Variants in GNB5 observed in about 807,000 individuals in gnomAD.
The protein encoded by GNB5 is guanine nucleotide-binding protein subunit beta-5.
GNB5 carries 37 observed loss-of-function variants against 55.3 expected under a neutral mutation model. That is an observed-to-expected ratio of 0.67 (90% CI 0.51 to 0.88). GNB5 has a LOEUF of 0.88. Ranked by LOEUF, GNB5 falls within the 40% of genes least tolerant of loss-of-function variation. GNB5 has a pLI of 0.00. For missense variants in GNB5, 476 were observed against 515.3 expected (o/e 0.92, Z 0.74); for synonymous variants, 219 against 198.5 (o/e 1.10, Z -0.87).
intron 11 of GNB5, 104 bp downstream of exon 11, chr15:52,125,844 C>T (rs1354079610): frequency 3.1e-6 from 2 of 646,666 alleles, no homozygotes; most frequent in Non-Finnish European, 5.7e-6. Context: ...TACTGGTCCA[C>T]AGGAAGCTCA....
At chr15:52,161,330 C>A (rs2034326606) in intron 3 of GNB5, among the ~76,000 whole-genome samples, 1 of 152,210 alleles carries the variant, frequency 6.6e-6, no homozygotes, top group Non-Finnish European at 1.5e-5. Context: ...CAGAGTCTCG[C>A]TCTGTTGCCC....
chr15:52,151,445 C>T (rs1486041425), intron 4 of GNB5, among the ~76,000 whole-genome samples: 3 of 152,176 alleles, frequency 2.0e-5, no homozygotes, highest in African/African-American at 7.2e-5. Flanking sequence ...GGCCTACGTA[C>T]CCAGAGAGAA....
chr15:52,187,791 A>G (rs2034865851), intron 1 of GNB5, among the ~76,000 whole-genome samples: 1 of 152,084 alleles, frequency 6.6e-6, no homozygotes, highest in African/African-American at 2.4e-5. Context: ...TCTACTAAAA[A>G]TACAAAAATT....
chr15:52,161,700 C>T (rs2034337491), intron 3 of GNB5, among the ~76,000 whole-genome samples: 1 of 152,212 alleles, frequency 6.6e-6, no homozygotes, highest in Admixed American at 6.5e-5. Flanking sequence ...AGCCACTTGG[C>T]TGGAAGAATC....
At chr15:52,132,636 A>ATTTTTTT (rs1216272462) in intron 9 of GNB5, among the ~76,000 whole-genome samples, 32 of 134,808 alleles carry the variant, frequency 2.4e-4, no homozygotes, top group South Asian at 7.1e-4. Context: ...TGCCCTGCTA[A>ATTTTTTT]TTTTTTTTTT....
At chr15:52,151,853 C>G (rs1301342327) in intron 4 of GNB5, among the ~76,000 whole-genome samples, 1 of 152,058 alleles carries the variant, frequency 6.6e-6, no homozygotes, top group Non-Finnish European at 1.5e-5. Flanking sequence ...CATCTATAAT[C>G]TCAGTGCTTT....
chr15:52,137,515 A>T (rs1290601166), intron 7 of GNB5: 1 of 1,016,670 alleles, frequency 9.8e-7, no homozygotes, highest in African/African-American at 1.7e-5. Flanking sequence ...TGAGAAAAGC[A>T]AACGTATGTT....
intron 12 of GNB5, 123 bp from the exon 13 acceptor site, chr15:52,122,891 C>A: frequency 2.2e-6 from 1 of 463,296 alleles, no homozygotes; most frequent in Non-Finnish European, 4.1e-6. Flanking sequence ...TGTGTGTGTA[C>A]ACACACACAC....
Position 52,153,180 on chromosome 15 carries a change from C to A in GNB5, c.375+760G>T, listed in dbSNP as rs138465694. Among the ~76,000 whole-genome samples the A allele has an allele frequency of 5.0e-3, 757 of 152,332 alleles. 18 individuals are homozygous for A. Among genetic ancestry groups the A allele is most frequent in the Admixed American group, 0.025 (387 of 15,300 alleles). On this transcript the variant is annotated intron_variant, in intron 4 of 12. Coordinates refer to ENST00000261837, the MANE Select transcript of GNB5 (RefSeq NM_016194.4). Reference sequence around the variant, plus strand: ...GGTCATGAAATATGGCATGGCCCTGCCTCTGCCCCTTCTTGTGGATCACTC... The same window carrying A: ...GGTCATGAAATATGGCATGGCCCTGACTCTGCCCCTTCTTGTGGATCACTC...
intron 6 of GNB5, among the ~76,000 whole-genome samples, chr15:52,143,035 A>G (rs936295883): frequency 6.6e-6 from 1 of 151,966 alleles, no homozygotes; most frequent in Non-Finnish European, 1.5e-5. Flanking sequence ...GGTGCCTGTA[A>G]TCCCAGCTAC....
At chr15:52,146,445 T>G (rs1233092045) in intron 6 of GNB5, among the ~76,000 whole-genome samples, 1 of 152,238 alleles carries the variant, frequency 6.6e-6, no homozygotes, top group Non-Finnish European at 1.5e-5. Context: ...GATGCCCTTT[T>G]CACACAGTGT....
At chr15:52,173,696 T>C (rs1163498607) in intron 3 of GNB5, among the ~76,000 whole-genome samples, 1 of 152,196 alleles carries the variant, frequency 6.6e-6, no homozygotes, top group Admixed American at 6.5e-5. Context: ...AGGACAGCTG[T>C]CCTGGGAGCT....
intron 5 of GNB5, 42 bp downstream of exon 5, chr15:52,149,842 G>C: frequency 6.7e-7 from 1 of 1,491,406 alleles, no homozygotes; most frequent in South Asian, 1.1e-5. Flanking sequence ...AGTAGGCTGG[G>C]ATTCTGAAGC....
intron 10 of GNB5, 84 bp from the exon 11 acceptor site, chr15:52,126,128 G>A: frequency 4.4e-6 from 3 of 679,420 alleles, no homozygotes; most frequent in African/African-American, 1.8e-5. Context: ...GTAGGTGCTA[G>A]TGACTTGCGT....
chr15:52,135,260 C>A (rs2033674327), intron 8 of GNB5, among the ~76,000 whole-genome samples: 1 of 152,144 alleles, frequency 6.6e-6, no homozygotes, highest in Non-Finnish European at 1.5e-5. Flanking sequence ...CAGATGCTAA[C>A]TCTCTGCTAT....
rs1190066976 is a variant in GNB5, at chr15:52,115,860, C to T, written c.*6897G>A. The T allele has an allele frequency of 6.6e-6, 1 of 152,174 alleles. No individual in the cohort carries two copies. The highest frequency in any genetic ancestry group is 1.5e-5 in the Non-Finnish European group (1 of 68,028). The allele number at this position is 152,174 out of a possible 1,614,324, so 9.4% of individuals were successfully genotyped here. A position where few individuals can be genotyped will look rare whatever the true frequency, so the allele number is the denominator to read the frequency against. On this transcript the variant is annotated 3_prime_UTR_variant, in exon 13 of 13. Transcript: ENST00000261837. ...ACTCCTCACCCTAGCCCTAAGTGAC[C>T]ACCAATCTGCTTTTTGTCTTTATGA... is the stretch of plus-strand genomic sequence containing the variant.
At chr15:52,167,391 C>T (rs913251492) in intron 3 of GNB5, among the ~76,000 whole-genome samples, 2 of 152,134 alleles carry the variant, frequency 1.3e-5, no homozygotes, top group African/African-American at 2.4e-5. Flanking sequence ...AAACTTTGGC[C>T]GAGTGCAGTG....
intron 3 of GNB5, among the ~76,000 whole-genome samples, chr15:52,177,224 G>T (rs1259321158): frequency 6.6e-6 from 1 of 151,196 alleles, no homozygotes; most frequent in African/African-American, 2.4e-5. Context: ...TAGTAGAGAC[G>T]GGGTTTCACC....
intron 3 of GNB5, among the ~76,000 whole-genome samples, chr15:52,164,520 C>A (rs974561168): frequency 6.6e-6 from 1 of 151,734 alleles, no homozygotes; most frequent in African/African-American, 2.4e-5. Flanking sequence ...CCCAGTTACT[C>A]AGGAGACTGA....
Sources: gnomAD v4.1 joint callset for allele counts (sites outside exome capture counted in the v4.1 genomes callset) on GRCh38, gnomAD v4.1.1 for gene constraint, MANE v1.5 for transcripts, NCBI Gene and HGNC (gene_info 2026-07-23, HGNC 2026-07-21) for gene names.